The following NOS1AP variants were observed in gnomAD, a reference collection of about 807,000 sequenced individuals.
NOS1AP encodes nitric oxide synthase 1 adaptor protein, also known as carboxyl-terminal PDZ ligand of neuronal nitric oxide synthase protein.
Under a neutral mutation model 56.2 loss-of-function variants are expected in NOS1AP, and 21 were observed. The ratio of observed to expected loss-of-function variants is 0.37; its 90% confidence interval spans 0.26 to 0.54. The LOEUF is 0.54. Ranked by LOEUF, NOS1AP falls within the 20% of genes least tolerant of loss-of-function variation. NOS1AP has a pLI of 0.84. For synonymous variants in NOS1AP, 270 were observed against 274.6 expected (o/e 0.98, Z 0.17); for missense variants, 522 against 657.8 (o/e 0.79, Z 2.26).
chr1:162,178,325 T>C (rs4269752), intron 2 of NOS1AP, among the ~76,000 whole-genome samples: 78,958 of 151,606 alleles, frequency 0.52, 22,489 homozygotes, highest in East Asian at 0.76. Context: ...AGCAGCTTTT[T>C]GTGTGGACAT....
intron 4 of NOS1AP, among the ~76,000 whole-genome samples, chr1:162,301,801 C>T (rs1475185037): frequency 6.6e-6 from 1 of 152,170 alleles, no homozygotes; most frequent in Admixed American, 6.5e-5. Context: ...TTTGTCCGCT[C>T]TCAAATTATT....
chr1:162,188,386 T>C lies in NOS1AP; in HGVS notation c.177+33910T>C, dbSNP rs557599280. Among the ~76,000 whole-genome samples, 1 of 152,348 alleles carries C rather than the reference T, an allele frequency of 6.6e-6. No homozygotes were observed. The highest frequency in any genetic ancestry group is 2.4e-5 in the African/African-American group (1 of 41,590). ...ATTGGGCTCACACACTGTCTCTTTATAGGCCATTTCCATAATGCTTGATTA... is the reference window on the plus strand; with the variant it reads ...ATTGGGCTCACACACTGTCTCTTTACAGGCCATTTCCATAATGCTTGATTA... On this transcript the variant is annotated intron_variant, in intron 2 of 9. Transcript: ENST00000361897. This position sits in a 1 kb window ranked among gnomAD's most constrained non-coding sequence, Gnocchi z 4.0.
intron 6 of NOS1AP, among the ~76,000 whole-genome samples, chr1:162,348,871 G>C (rs1467496062): frequency 1.3e-5 from 2 of 152,220 alleles, no homozygotes; most frequent in Non-Finnish European, 2.9e-5. Context: ...CCTCCAGGTA[G>C]GTCGGCCTTT....
intron 2 of NOS1AP, among the ~76,000 whole-genome samples, chr1:162,234,871 T>C (rs187103187): frequency 2.0e-5 from 3 of 152,184 alleles, no homozygotes; most frequent in African/African-American, 7.2e-5. Flanking sequence ...GAAGAGGCTG[T>C]TGCTTCTGGA....
chr1:162,359,716 A>G (rs1486862078), intron 8 of NOS1AP, among the ~76,000 whole-genome samples: 1 of 138,496 alleles, frequency 7.2e-6, no homozygotes, highest in African/African-American at 2.9e-5. Flanking sequence ...TGGTTTCTCT[A>G]CGCGGGGGGG....
At chr1:162,214,421 G>A (rs1232026391) in intron 2 of NOS1AP, among the ~76,000 whole-genome samples, 2 of 152,184 alleles carry the variant, frequency 1.3e-5, no homozygotes, top group African/African-American at 4.8e-5. Flanking sequence ...AGAAGGAAAG[G>A]GGGAAGTGAG....
intron 4 of NOS1AP, 97 bp downstream of exon 4, chr1:162,300,803 A>T: frequency 2.0e-6 from 2 of 1,007,044 alleles, no homozygotes; most frequent in Non-Finnish European, 3.2e-6. Flanking sequence ...GGCAAATTTA[A>T]ATAAACTTCT....
chr1:162,164,212 T>A (rs1456355636), intron 2 of NOS1AP, among the ~76,000 whole-genome samples: 2 of 152,192 alleles, frequency 1.3e-5, no homozygotes, highest in Non-Finnish European at 2.9e-5. Context: ...GTTTATCCAT[T>A]GTAACAGGAT....
intron 1 of NOS1AP, among the ~76,000 whole-genome samples, chr1:162,146,405 A>C (rs1196089776): frequency 6.6e-6 from 1 of 151,978 alleles, no homozygotes; most frequent in African/African-American, 2.4e-5. Flanking sequence ...GGTCCTGAAG[A>C]CCTGGCTGGG....
intron 2 of NOS1AP, among the ~76,000 whole-genome samples, chr1:162,260,250 G>A (rs1654164180): frequency 6.6e-6 from 1 of 152,148 alleles, no homozygotes; most frequent in Non-Finnish European, 1.5e-5. Context: ...TGTTTGTGAA[G>A]CCATGTGTAT....
At chr1:162,273,698 T>C (rs931636565) in intron 2 of NOS1AP, among the ~76,000 whole-genome samples, 4 of 152,224 alleles carry the variant, frequency 2.6e-5, no homozygotes, top group Non-Finnish European at 5.9e-5. Context: ...AACAGTAAAA[T>C]TGATTTTGGG....
intron 1 of NOS1AP, among the ~76,000 whole-genome samples, chr1:162,129,713 G>A (rs1320214112): frequency 1.3e-5 from 2 of 152,164 alleles, no homozygotes; most frequent in Non-Finnish European, 2.9e-5. Context: ...GCTTAACTAT[G>A]TATTGAAAAA....
intron 4 of NOS1AP, among the ~76,000 whole-genome samples, chr1:162,310,373 T>C (rs189817839): frequency 3.5e-4 from 54 of 152,320 alleles, no homozygotes; most frequent in African/African-American, 1.2e-3. Flanking sequence ...TTGCCTAAGG[T>C]TTTTGAGCAG....
intron 1 of NOS1AP, among the ~76,000 whole-genome samples, chr1:162,143,053 C>T (rs1012039789): frequency 7.3e-6 from 1 of 136,356 alleles, no homozygotes; most frequent in South Asian, 3.3e-4. Context: ...TTCCTGGTCG[C>T]AACTTGCTCA....
chr1:162,288,513 A>G (rs1395699208), intron 3 of NOS1AP, among the ~76,000 whole-genome samples: 1 of 152,226 alleles, frequency 6.6e-6, no homozygotes, highest in Non-Finnish European at 1.5e-5. Flanking sequence ...GACTTGTCAT[A>G]TCAATCCAAG....
chr1:162,257,098 A>G (rs901092266), intron 2 of NOS1AP, among the ~76,000 whole-genome samples: 20 of 152,356 alleles, frequency 1.3e-4, no homozygotes, highest in African/African-American at 4.8e-4. Context: ...TAGAAAGGGC[A>G]TATGGGTATC....
At position 162,261,255 on chromosome 1, in the gene NOS1AP, A is replaced by C. The variant is rs1453331134; in HGVS notation, c.178-26089A>C. ...CCTCTAAGCATCAGTCCTATCTTTCAAAATCAATAACATTTAATTACAATA... is the reference window on the plus strand; with the variant it reads ...CCTCTAAGCATCAGTCCTATCTTTCCAAATCAATAACATTTAATTACAATA... On this transcript the variant is annotated intron_variant, in intron 2 of 9. Transcript: ENST00000361897. Among the ~76,000 whole-genome samples the C allele has an allele frequency of 2.2e-5, 3 of 138,720 alleles. 1 individual carries two copies. The highest frequency in any genetic ancestry group is 8.3e-5 in the African/African-American group (3 of 36,152). The allele number at this position is 138,720 out of a possible 152,430, so 91.0% of individuals were successfully genotyped here. A position where few individuals can be genotyped will look rare whatever the true frequency, so the allele number is the denominator to read the frequency against.
chr1:162,168,996 C>G (rs1332575725), intron 2 of NOS1AP, among the ~76,000 whole-genome samples: 1 of 152,146 alleles, frequency 6.6e-6, no homozygotes, highest in East Asian at 1.9e-4. Flanking sequence ...CTCAGAGAGC[C>G]ATGCTGGGAA....
At chr1:162,230,718 G>T (rs1300839550) in intron 2 of NOS1AP, among the ~76,000 whole-genome samples, 1 of 152,092 alleles carries the variant, frequency 6.6e-6, no homozygotes, top group African/African-American at 2.4e-5. Flanking sequence ...ATTACTCTGG[G>T]TATCTCATAT....
Sources: allele counts gnomAD v4.1 joint callset (sites outside exome capture counted in the v4.1 genomes callset), GRCh38; gene constraint gnomAD v4.1.1; non-coding constraint Gnocchi (gnomAD v3.1); transcripts MANE v1.5; gene names NCBI Gene and HGNC (gene_info 2026-07-23, HGNC 2026-07-21).